PSD3: variants seen among roughly 807,000 people sequenced by gnomAD.
PSD3 encodes pleckstrin and Sec7 domain containing 3.
In PSD3, 49 loss-of-function variants were observed where a neutral mutation model predicts 105.5. The observed-to-expected ratio is 0.46, with a 90% CI of 0.37 to 0.59. The LOEUF (loss-of-function observed/expected upper bound fraction) is 0.59. Ranked by LOEUF, PSD3 falls within the 20% of genes least tolerant of loss-of-function variation. The probability of loss-of-function intolerance (pLI) is 0.00; values close to 1 mark genes in which losing one functional copy is unlikely to be tolerated. For synonymous variants in PSD3, 557 were observed against 457.8 expected (o/e 1.22, Z -2.77); for missense variants, 1,561 against 1,263.8 (o/e 1.24, Z -3.57).
At chr8:18,651,056 T>C (rs1808435788) in intron 10 of PSD3, among the ~76,000 whole-genome samples, 1 of 152,220 alleles carries the variant, frequency 6.6e-6, no homozygotes, top group African/African-American at 2.4e-5. Context: ...CAAAAAATTT[T>C]TCAAGAACAT....
At chr8:18,787,957 T>C (rs971235268) in intron 8 of PSD3, among the ~76,000 whole-genome samples, 2 of 152,160 alleles carry the variant, frequency 1.3e-5, no homozygotes, top group Non-Finnish European at 2.9e-5. Context: ...AGAGTAAATA[T>C]TTTAGGCTTT....
chr8:18,572,481 T>G, intron 14 of PSD3, 47 bp downstream of exon 14: 1 of 1,586,746 alleles, frequency 6.3e-7, no homozygotes, highest in Admixed American at 1.7e-5. Context: ...TCACATTATT[T>G]TACAAAGTAC....
intron 2 of PSD3, among the ~76,000 whole-genome samples, chr8:18,935,833 T>C (rs562319075): frequency 2.6e-5 from 4 of 152,316 alleles, no homozygotes; most frequent in African/African-American, 9.6e-5. Context: ...AGAACATGAC[T>C]TGAAATTACC....
intron 8 of PSD3, among the ~76,000 whole-genome samples, chr8:18,768,275 G>A: frequency 6.6e-6 from 1 of 151,778 alleles, no homozygotes; most frequent in Non-Finnish European, 1.5e-5. Context: ...GACAGAGAGA[G>A]AGTCCAGTTC....
At chr8:18,742,808 G>A (rs189214241) in intron 9 of PSD3, among the ~76,000 whole-genome samples, 11 of 152,258 alleles carry the variant, frequency 7.2e-5, no homozygotes, top group African/African-American at 2.2e-4. Flanking sequence ...TAAAGACAAA[G>A]AGCTAGTCAT....
intron 9 of PSD3, among the ~76,000 whole-genome samples, chr8:18,679,170 T>C (rs1339312990): frequency 6.6e-6 from 1 of 152,180 alleles, no homozygotes; most frequent in African/African-American, 2.4e-5. Context: ...TAGGAAGAAA[T>C]GACAACAATC....
intron 1 of PSD3, among the ~76,000 whole-genome samples, chr8:18,937,852 A>T (rs1429724680): frequency 6.6e-6 from 1 of 152,154 alleles, no homozygotes; most frequent in African/African-American, 2.4e-5. Context: ...TGAGAAACTA[A>T]CGCCTGCAGA....
chr8:19,005,587 C>G (rs992158214), intron 1 of PSD3, among the ~76,000 whole-genome samples: 1 of 151,910 alleles, frequency 6.6e-6, no homozygotes, highest in Non-Finnish European at 1.5e-5. Flanking sequence ...TGGGCTCAAG[C>G]AATCCTCCTG....
chr8:19,040,304 G>C (rs772224383), intron 1 of PSD3, among the ~76,000 whole-genome samples: 2 of 152,158 alleles, frequency 1.3e-5, no homozygotes, highest in African/African-American at 2.4e-5. Flanking sequence ...TTGGGCTCAA[G>C]TGATCTCCCA....
At chr8:18,720,842 G>C (rs1802922309) in intron 9 of PSD3, 1 of 152,042 alleles carries the variant, frequency 6.6e-6, no homozygotes, top group Non-Finnish European at 1.5e-5. Context: ...TTCCAAAGCA[G>C]TGATTTATTA....
intron 8 of PSD3, among the ~76,000 whole-genome samples, chr8:18,790,591 T>C (rs563662338): frequency 3.1e-4 from 47 of 152,216 alleles, no homozygotes; most frequent in African/African-American, 1.1e-3. Context: ...CGTGAGCCAC[T>C]ACGCCTGGCC....
At chr8:18,613,754 G>T (rs138176622) in intron 11 of PSD3, among the ~76,000 whole-genome samples, 263 of 152,226 alleles carry the variant, frequency 1.7e-3, no homozygotes, top group African/African-American at 6.2e-3. Context: ...TCTCAGGGCT[G>T]CCTGCACCAC....
intron 1 of PSD3, among the ~76,000 whole-genome samples, chr8:18,952,256 T>C (rs1401550791): frequency 6.6e-6 from 1 of 152,204 alleles, no homozygotes; most frequent in African/African-American, 2.4e-5. Context: ...CTGAAGATTA[T>C]AGGCTTATTC....
At chr8:18,826,032 A>G (rs368106829) in intron 4 of PSD3, among the ~76,000 whole-genome samples, 3 of 152,134 alleles carry the variant, frequency 2.0e-5, no homozygotes, top group Admixed American at 6.5e-5. Context: ...GCCCTCCCCA[A>G]TGTAGGTGGG....
At chr8:19,056,777 C>G (rs1299232223) in intron 1 of PSD3, among the ~76,000 whole-genome samples, 1 of 151,868 alleles carries the variant, frequency 6.6e-6, no homozygotes, top group Non-Finnish European at 1.5e-5. Context: ...GGCAGGAATT[C>G]AAAATAAGTG....
At chr8:18,965,298 A>G (rs1001502567) in intron 1 of PSD3, among the ~76,000 whole-genome samples, 2 of 152,148 alleles carry the variant, frequency 1.3e-5, no homozygotes, top group African/African-American at 4.8e-5. Flanking sequence ...GGTTTTGGCT[A>G]CCTAAAGATG....
intron 9 of PSD3, among the ~76,000 whole-genome samples, chr8:18,676,847 C>T (rs1193742365): frequency 6.6e-6 from 1 of 152,214 alleles, no homozygotes; most frequent in Admixed American, 6.5e-5. Flanking sequence ...CACTGTCTCC[C>T]TTGTGCTTGA....
intron 1 of PSD3, among the ~76,000 whole-genome samples, chr8:19,057,264 T>C (rs1828739684): frequency 6.6e-6 from 1 of 152,162 alleles, no homozygotes; most frequent in Non-Finnish European, 1.5e-5. Flanking sequence ...ACCACTCTCG[T>C]TCACTCCAAG....
chr8:18,884,555 T>G (rs1426100374), intron 2 of PSD3, among the ~76,000 whole-genome samples: 1 of 152,200 alleles, frequency 6.6e-6, no homozygotes, highest in Non-Finnish European at 1.5e-5. Flanking sequence ...TAATCCAGGA[T>G]GCTGGCTATT....
Sources: allele counts gnomAD v4.1 joint callset (sites outside exome capture counted in the v4.1 genomes callset), GRCh38; gene constraint gnomAD v4.1.1; transcripts MANE v1.5; gene names NCBI Gene and HGNC (gene_info 2026-07-23, HGNC 2026-07-21).